Variants in DMD observed in about 807,000 individuals in gnomAD.
DMD encodes the protein dystrophin, also known as mutant dystrophin.
In DMD, 63 loss-of-function variants were observed where a neutral mutation model predicts 330.1. That is an observed-to-expected ratio of 0.19 (90% confidence interval 0.16 to 0.24). The LOEUF is 0.24. Among genes scored for constraint, DMD ranks in the 10% least tolerant of loss-of-function variants. The probability of loss-of-function intolerance (pLI) is 1.00; values close to 1 mark genes in which losing one functional copy is unlikely to be tolerated. For missense variants in DMD, 3,344 were observed against 2,684.1 expected (o/e 1.25, Z -5.43); for synonymous variants, 1,223 against 959.8 (o/e 1.27, Z -5.07).
chrX:32,788,566 C>T (rs762045841), intron 7 of DMD, among the ~76,000 whole-genome samples: 2 of 111,812 alleles, frequency 1.8e-5, no homozygotes, highest in South Asian at 7.5e-4. Flanking sequence ...AGTATAATTG[C>T]CAATTTTATC....
chrX:32,747,677 C>T (rs2070230626), intron 7 of DMD, among the ~76,000 whole-genome samples: 1 of 110,219 alleles, frequency 9.1e-6, no homozygotes. Context: ...GTATTTTTTG[C>T]TGTGTTTCTC....
intron 64 of DMD, among the ~76,000 whole-genome samples, chrX:31,220,925 T>C (rs2045960046): frequency 1.3e-5 from 1 of 77,978 alleles, no homozygotes; most frequent in Admixed American, 1.8e-4. Flanking sequence ...TTTTTTTAGC[T>C]CATCAGCTAC....
intron 25 of DMD, among the ~76,000 whole-genome samples, chrX:32,458,004 A>T (rs991638045): frequency 3.6e-5 from 4 of 111,217 alleles, no homozygotes; most frequent in African/African-American, 1.3e-4. Context: ...ACAGTGATTA[A>T]TCTAGGTTAG....
intron 7 of DMD, among the ~76,000 whole-genome samples, chrX:32,806,024 A>G (rs1366174130): frequency 3.6e-5 from 4 of 111,712 alleles, no homozygotes; most frequent in African/African-American, 1.3e-4. Context: ...AACTGCATCA[A>G]CTAACAAGCA....
chrX:32,553,039 C>A (rs1156423365), intron 16 of DMD, among the ~76,000 whole-genome samples: 1 of 111,755 alleles, frequency 8.9e-6, no homozygotes, highest in Non-Finnish European at 1.9e-5. Context: ...CCAGAATTAC[C>A]ATTCGACCCA....
At chrX:31,893,225 G>A (rs750704326) in intron 47 of DMD, among the ~76,000 whole-genome samples, 58 of 111,918 alleles carry the variant, frequency 5.2e-4, no homozygotes, top group African/African-American at 1.8e-3. Context: ...TTAAGCAAGC[G>A]TATGAAGGAG....
At chrX:31,574,772 A>C (rs957452726) in intron 55 of DMD, among the ~76,000 whole-genome samples, 1 of 111,141 alleles carries the variant, frequency 9.0e-6, no homozygotes, top group African/African-American at 3.3e-5. Flanking sequence ...CAAATTCCAC[A>C]TCGTATTTGG....
intron 13 of DMD, among the ~76,000 whole-genome samples, chrX:32,578,619 A>T (rs147037330): frequency 0.014 from 1,521 of 112,171 alleles, 15 homozygotes; most frequent in Non-Finnish European, 0.019. Flanking sequence ...CTAAAAGAAC[A>T]TTTGGATAAA....
chrX:31,414,266 C>T (rs930649153), intron 60 of DMD, among the ~76,000 whole-genome samples: 7 of 111,285 alleles, frequency 6.3e-5, no homozygotes, highest in Non-Finnish European at 1.1e-4. Flanking sequence ...CTACCCACCT[C>T]GGCCTCCCAA....
intron 7 of DMD, among the ~76,000 whole-genome samples, chrX:32,743,520 A>G (rs1218223128): frequency 9.0e-6 from 1 of 111,262 alleles, no homozygotes; most frequent in African/African-American, 3.3e-5. Context: ...AAGGACCCTT[A>G]TTTGTACTCT....
chrX:32,864,551 T>G (rs911007498), intron 2 of DMD, among the ~76,000 whole-genome samples: 4 of 112,161 alleles, frequency 3.6e-5, no homozygotes, highest in African/African-American at 1.3e-4. Context: ...TGCTCCTAAT[T>G]GTAGGTCCCA....
At position 31,347,021 on chromosome X, in the gene DMD, AAAAAAAAAAAAAAAAG is replaced by A. The variant is rs1263251784; in HGVS notation, c.9163+1519_9163+1534del. 5.4e-3 allele frequency among the ~76,000 whole-genome samples: 420 copies of A among 77,118 alleles called. 6 individuals carry two copies. Among genetic ancestry groups the A allele is most frequent in the East Asian group, 0.026 (71 of 2,747 alleles). 67.0% of individuals were successfully genotyped at this position (77,118 alleles called of 115,157 possible). On this transcript the variant is annotated intron_variant, in intron 61 of 78. Transcript: ENST00000357033. ...CCTCTCAAAAAAAAAAAAAAAAAAAAAAAAAAAAAAAAAAAGGAAGGATGCAAACAGTTAGGGAAAG... is the reference window on the plus strand; with the variant it reads ...CCTCTCAAAAAAAAAAAAAAAAAAAAGAAGGATGCAAACAGTTAGGGAAAG...
At chrX:32,750,297 T>C (rs1431539737) in intron 7 of DMD, among the ~76,000 whole-genome samples, 1 of 111,856 alleles carries the variant, frequency 8.9e-6, no homozygotes, top group Non-Finnish European at 1.9e-5. Flanking sequence ...CAGATTAAAA[T>C]ATAAATACAT....
chrX:32,291,237 A>G (rs1235192242), intron 42 of DMD, among the ~76,000 whole-genome samples: 1 of 111,870 alleles, frequency 8.9e-6, no homozygotes, highest in African/African-American at 3.3e-5. Context: ...AATATATTTG[A>G]AAGTAGGAAA....
intron 51 of DMD, among the ~76,000 whole-genome samples, chrX:31,747,157 T>C (rs1235436019): frequency 9.0e-6 from 1 of 111,637 alleles, no homozygotes; most frequent in East Asian, 2.8e-4. Flanking sequence ...AGTGTTAATA[T>C]ACTTGCAGTG....
At chrX:32,794,319 G>A (rs1453451819) in intron 7 of DMD, among the ~76,000 whole-genome samples, 1 of 112,274 alleles carries the variant, frequency 8.9e-6, no homozygotes, top group Non-Finnish European at 1.9e-5. Flanking sequence ...GTCAGGCGTG[G>A]TGGCTCACGC....
intron 29 of DMD, among the ~76,000 whole-genome samples, chrX:32,415,403 T>G (rs370830662): frequency 9.0e-6 from 1 of 111,682 alleles, no homozygotes; most frequent in Non-Finnish European, 1.9e-5. Flanking sequence ...ATCTCAGTCA[T>G]TGAAAAGACC....
chrX:31,987,365 T>C (rs1019709859), intron 44 of DMD, among the ~76,000 whole-genome samples: 5 of 111,678 alleles, frequency 4.5e-5, no homozygotes, highest in African/African-American at 1.6e-4. Context: ...ATAGTCTCCA[T>C]ACTATGCAAC....
intron 13 of DMD, among the ~76,000 whole-genome samples, chrX:32,576,846 T>C (rs1265443609): frequency 9.0e-6 from 1 of 110,810 alleles, no homozygotes; most frequent in Non-Finnish European, 1.9e-5. Flanking sequence ...TATATCCAAA[T>C]AATGGAGCAA....
Sources: gnomAD v4.1 joint callset for allele counts (sites outside exome capture counted in the v4.1 genomes callset) on GRCh38, gnomAD v4.1.1 for gene constraint, MANE v1.5 for transcripts, NCBI Gene and HGNC (gene_info 2026-07-23, HGNC 2026-07-21) for gene names.